Variants in NT5DC3 observed in about 807,000 individuals in gnomAD.
The protein encoded by NT5DC3 is 5'-nucleotidase domain-containing protein 3.
Under a neutral mutation model 67.8 loss-of-function variants are expected in NT5DC3, and 42 were observed. The observed-to-expected ratio is 0.62, with a 90% CI of 0.48 to 0.80. The LOEUF is 0.80. NT5DC3 is among the 30% of genes least tolerant of loss of function. NT5DC3 has a pLI of 0.00. For synonymous variants in NT5DC3, 237 were observed against 255.6 expected (o/e 0.93, Z 0.69); for missense variants, 570 against 696.4 (o/e 0.82, Z 2.04).
chr12:103,840,512 C>G (rs1888368637), intron 1 of NT5DC3, among the ~76,000 whole-genome samples: 2 of 150,772 alleles, frequency 1.3e-5, no homozygotes, highest in Admixed American at 1.3e-4. Context: ...CGGCCACCTC[C>G]CCAGCAGCCC....
the NT5DC3 span, among the ~76,000 whole-genome samples, chr12:103,756,996 AATATATATATATATAT>A: frequency 1.1e-4 from 6 of 56,382 alleles, no homozygotes; most frequent in African/African-American, 4.1e-4. Flanking sequence ...AAGGAGGGAA[AATATATATATATATAT>A]ATATATATAT....
the NT5DC3 span, chr12:103,762,137 T>C: frequency 1.7e-6 from 2 of 1,189,308 alleles, no homozygotes; most frequent in Non-Finnish European, 2.4e-6. Context: ...ACCCTGGCAG[T>C]AATAAGGGCC....
chr12:103,824,194 C>T (rs555595495), intron 1 of NT5DC3, among the ~76,000 whole-genome samples: 2 of 152,314 alleles, frequency 1.3e-5, no homozygotes, highest in South Asian at 2.1e-4. Flanking sequence ...GAAAGTGTGA[C>T]TTTGAAGGCC....
At chr12:103,815,962 T>G (rs1593424130) in intron 1 of NT5DC3, among the ~76,000 whole-genome samples, 1 of 152,272 alleles carries the variant, frequency 6.6e-6, no homozygotes, top group African/African-American at 2.4e-5. Flanking sequence ...AGAAAAAAAC[T>G]ACTGACATTT....
In NT5DC3 at chr12:103,797,133, G is replaced by A. The variant is rs1361042761; in HGVS notation, c.616-102C>T. On this transcript the variant is annotated intron_variant, in intron 5 of 13. Transcript: ENST00000392876. Reference sequence around the variant, plus strand: ...CAGGAAGCCTTTTCCGTGACTAAACGAGATCCCATCATCAACACAAAAAAG... The same window carrying A: ...CAGGAAGCCTTTTCCGTGACTAAACAAGATCCCATCATCAACACAAAAAAG... 23 of 1,234,272 alleles carry A rather than the reference G, an allele frequency of 1.9e-5. No homozygotes were observed. The East Asian group carries it at 2.1e-4, about 11-fold the overall frequency. The allele number at this position is 1,234,272 out of a possible 1,614,324, so 76.5% of individuals were successfully genotyped here.
intron 1 of NT5DC3, among the ~76,000 whole-genome samples, chr12:103,829,298 A>C (rs1436332290): frequency 6.6e-6 from 1 of 152,246 alleles, no homozygotes; most frequent in East Asian, 1.9e-4. Flanking sequence ...AGAACCAGAA[A>C]CAAATGGGTG....
At chr12:103,783,117 C>T (rs1885627883) in intron 12 of NT5DC3, among the ~76,000 whole-genome samples, 1 of 152,236 alleles carries the variant, frequency 6.6e-6, no homozygotes, top group Admixed American at 6.5e-5. Context: ...TGAAAATAAT[C>T]CCCAAGGGGG....
At chr12:103,804,216 ACAGT>A (rs1886703515) in intron 4 of NT5DC3, among the ~76,000 whole-genome samples, 1 of 152,184 alleles carries the variant, frequency 6.6e-6, no homozygotes, top group African/African-American at 2.4e-5. Context: ...GACAGTAAAA[ACAGT>A]CAAAGGAAAT....
In NT5DC3 at chr12:103,776,669, C is replaced by CAAAAA. The variant is rs1295288183; in HGVS notation, c.*1159_*1160insTTTTT. 9.7e-6 allele frequency: 1 copy of CAAAAA among 103,198 alleles called. No homozygotes were observed. The allele number at this position is 103,198 out of a possible 1,614,324, so 6.4% of individuals were successfully genotyped here. ...CTTAGACATCTAAAAAAAAACAAAA[C>CAAAAA]AAAACAAAAAAAAAAAAAACAAACT... is the stretch of plus-strand genomic sequence containing the variant. On this transcript the variant is annotated 3_prime_UTR_variant, in exon 14 of 14. Coordinates refer to ENST00000392876, the MANE Select transcript of NT5DC3 (RefSeq NM_001031701.3).
intron 1 of NT5DC3, among the ~76,000 whole-genome samples, chr12:103,840,209 G>A (rs540283412): frequency 3.9e-5 from 6 of 152,212 alleles, no homozygotes; most frequent in African/African-American, 1.2e-4. Context: ...TACGTGCCCG[G>A]CACTGGTATT....
intron 4 of NT5DC3, among the ~76,000 whole-genome samples, chr12:103,801,372 C>CTTTTTTTTTTTTTT (rs869237844): frequency 2.5e-5 from 2 of 78,940 alleles, no homozygotes; most frequent in African/African-American, 1.1e-4. Context: ...TTGGGGTGGG[C>CTTTTTTTTTTTTTT]TTTTTTTTTT....
chr12:103,755,712 C>T, the NT5DC3 span: 3 of 1,613,996 alleles, frequency 1.9e-6, no homozygotes, highest in Non-Finnish European at 2.5e-6. Flanking sequence ...TCACAAACTT[C>T]CTGACGGTAT....
chr12:103,831,930 C>T (rs1887950234), intron 1 of NT5DC3, among the ~76,000 whole-genome samples: 1 of 151,992 alleles, frequency 6.6e-6, no homozygotes, highest in African/African-American at 2.4e-5. Flanking sequence ...GCTCATGCCA[C>T]CTCGTCCAGC....
At chr12:103,807,201 C>A (rs143509137) in intron 2 of NT5DC3, among the ~76,000 whole-genome samples, 65 of 152,262 alleles carry the variant, frequency 4.3e-4, no homozygotes, top group Non-Finnish European at 8.2e-4. Flanking sequence ...TCTCTCAACT[C>A]TCTCCTCTCT....
chr12:103,837,685 C>T (rs1425319041), intron 1 of NT5DC3, among the ~76,000 whole-genome samples: 1 of 152,242 alleles, frequency 6.6e-6, no homozygotes, highest in Non-Finnish European at 1.5e-5. Flanking sequence ...GTTACCTTTG[C>T]TCCAGTTCCC....
At chr12:103,834,447 GC>G (rs1390781292) in intron 1 of NT5DC3, among the ~76,000 whole-genome samples, 43 of 152,340 alleles carry the variant, frequency 2.8e-4, no homozygotes, top group African/African-American at 9.6e-4. Context: ...AACTGTTACA[GC>G]CTAAAGAAGC....
chr12:103,763,624 T>G, the NT5DC3 span: 1 of 1,605,372 alleles, frequency 6.2e-7, no homozygotes, highest in East Asian at 2.2e-5. Flanking sequence ...TTTGCATTCT[T>G]ATCTAGGAAT....
intron 2 of NT5DC3, 39 bp downstream of exon 2, chr12:103,814,898 A>G (rs776645284): frequency 1.3e-6 from 2 of 1,514,360 alleles, no homozygotes; most frequent in African/African-American, 2.8e-5. Flanking sequence ...CTAAGAGGAA[A>G]AGGGGAGGGA....
At chr12:103,802,908 G>C (rs1886644163) in intron 4 of NT5DC3, among the ~76,000 whole-genome samples, 2 of 152,172 alleles carry the variant, frequency 1.3e-5, no homozygotes, top group South Asian at 4.1e-4. Context: ...ATTCTGTAGA[G>C]AGCAGGGAGC....
Sources: allele counts gnomAD v4.1 joint callset (sites outside exome capture counted in the v4.1 genomes callset), GRCh38; gene constraint gnomAD v4.1.1; transcripts MANE v1.5; gene names NCBI Gene and HGNC (gene_info 2026-07-23, HGNC 2026-07-21).